Variants in ANGEL1 observed in about 807,000 individuals in gnomAD.
ANGEL1 encodes the protein RNA 2',3'-cyclic phosphatase ANGEL1.
Under a neutral mutation model 76.4 loss-of-function variants are expected in ANGEL1, and 62 were observed. That is an observed-to-expected ratio of 0.81 (90% CI 0.66 to 1.00). The LOEUF is 1.00. Among genes scored for constraint, ANGEL1 ranks in the 50% least tolerant of loss-of-function variants. The pLI, the probability that ANGEL1 is intolerant of heterozygous loss-of-function variation, is 0.00. For synonymous variants in ANGEL1, 340 were observed against 331.7 expected, an observed-to-expected ratio of 1.03 and a Z score of -0.27; for missense variants, 737 against 836.7, an observed-to-expected ratio of 0.88 and a Z score of 1.47.
intron 7 of ANGEL1, among the ~76,000 whole-genome samples, chr14:76,798,613 C>G (rs1894654171): frequency 6.6e-6 from 1 of 152,076 alleles, no homozygotes; most frequent in African/African-American, 2.4e-5. Context: ...ATGAGGGAGA[C>G]TTAAAAATTA....
chr14:76,806,969 G>C, intron 4 of ANGEL1, 120 bp from the exon 5 acceptor site: 1 of 1,157,648 alleles, frequency 8.6e-7, no homozygotes, highest in Admixed American at 2.4e-5. Context: ...CTCAGTAAAG[G>C]AGCCTTTGCC....
rs1894954322 is a variant in ANGEL1 at position 76,807,511 on chromosome 14, T to C, written c.877-9A>G. On this transcript the variant is annotated splice_polypyrimidine_tract_variant and intron_variant, in intron 3 of 9. Transcript: ENST00000251089. ...TCCTGGAGACACAGGATCTGGGAAA[T>C]TGACAAGAAACCCAATCACTCCAGA... 1 of 1,613,094 alleles carries C rather than the reference T, an allele frequency of 6.2e-7. No individual in the cohort carries two copies. The highest frequency in any genetic ancestry group is 8.5e-7 in the Non-Finnish European group (1 of 1,179,676).
chr14:76,786,162 C>CTT lies in ANGEL1; in HGVS notation c.*3064_*3065dup, dbSNP rs200154536. On this transcript the variant is annotated 3_prime_UTR_variant, in exon 10 of 10. Coordinates refer to ENST00000251089, the MANE Select transcript of ANGEL1 (RefSeq NM_015305.4). ...AGCTGAGTTTTCTTTCTTTTCTTTT[C>CTT]TTTTCTTTTTTTTTTTTTGAGATGG... is the stretch of plus-strand genomic sequence containing the variant. 2.8e-4 allele frequency: 39 copies of CTT among 140,150 alleles called. 2 individuals are homozygous for CTT. The highest frequency in any genetic ancestry group is 1.8e-4 in the Non-Finnish European group (12 of 65,734). The allele number at this position is 140,150 out of a possible 1,614,324, so 8.7% of individuals were successfully genotyped here.
At chr14:76,792,877 C>T (rs765792499) in intron 7 of ANGEL1, among the ~76,000 whole-genome samples, 2 of 151,914 alleles carry the variant, frequency 1.3e-5, no homozygotes, top group African/African-American at 2.4e-5. Flanking sequence ...TGACATTGTA[C>T]CAAAAGTTTT....
chr14:76,811,163 G>A (rs1388434234), intron 1 of ANGEL1, among the ~76,000 whole-genome samples: 1 of 152,120 alleles, frequency 6.6e-6, no homozygotes, highest in Admixed American at 6.5e-5. Flanking sequence ...GGACAGAGAC[G>A]CTGCTGAACT....
chr14:76,790,919 G>C, intron 8 of ANGEL1, 145 bp from the exon 9 acceptor site: 2 of 1,210,182 alleles, frequency 1.7e-6, no homozygotes, highest in Non-Finnish European at 2.2e-6. Flanking sequence ...TGCTAAGAAG[G>C]GGCTGGCAGT....
At chr14:76,803,521 T>C (rs1356801051) in intron 6 of ANGEL1, 40 bp from the exon 7 acceptor site, 3 of 1,596,322 alleles carry the variant, frequency 1.9e-6, no homozygotes, top group Non-Finnish European at 2.6e-6. Context: ...AGAAAGACGA[T>C]GAAGCCACAT....
chr14:76,793,195 A>T (rs1406226345), intron 7 of ANGEL1, among the ~76,000 whole-genome samples: 1 of 151,034 alleles, frequency 6.6e-6, no homozygotes, highest in Non-Finnish European at 1.5e-5. Flanking sequence ...TAAAAATTAC[A>T]AAACTTGGAA....
chr14:76,809,881 GATAA>G (rs1777599116), intron 1 of ANGEL1, among the ~76,000 whole-genome samples: 1 of 152,218 alleles, frequency 6.6e-6, no homozygotes, highest in Non-Finnish European at 1.5e-5. Flanking sequence ...GCAGGGATCT[GATAA>G]ATATTCAGTG....
intron 5 of ANGEL1, among the ~76,000 whole-genome samples, chr14:76,805,086 A>C (rs185316089): frequency 1.3e-3 from 194 of 152,290 alleles, no homozygotes; most frequent in Admixed American, 2.2e-3. Context: ...ACAATTAAGA[A>C]TCTTAATAAT....
chr14:76,791,420 A>T, intron 7 of ANGEL1, 54 bp from the exon 8 acceptor site: 11 of 1,551,044 alleles, frequency 7.1e-6, no homozygotes, highest in Non-Finnish European at 9.8e-6. Flanking sequence ...GTGAAGCAGG[A>T]TCAGAACCTT....
rs1790383371 is a variant in ANGEL1, at chr14:76,788,368, C to G, written c.*860G>C. 1 of 152,250 alleles carries G rather than the reference C, an allele frequency of 6.6e-6. No individual in the cohort carries two copies. The highest frequency in any genetic ancestry group is 1.5e-5 in the Non-Finnish European group (1 of 68,058). The allele number at this position is 152,250 out of a possible 1,614,324, so 9.4% of individuals were successfully genotyped here. ...TAGTTTTAAACCTCATACCACTACC[C>G]TAGCCCAATGAACCCCACATAAGGG... On this transcript the variant is annotated 3_prime_UTR_variant, in exon 10 of 10. Coordinates refer to ENST00000251089, the MANE Select transcript of ANGEL1 (RefSeq NM_015305.4).
In ANGEL1 at chr14:76,800,389, G is replaced by T. The variant is rs76105732; in HGVS notation, c.1618+2982C>A. On this transcript the variant is annotated intron_variant, in intron 7 of 9. Transcript: ENST00000251089. ...CATCATTGTTATCACTATTGCTACTGCCATAGCTGTAATAATACTTTGACT... is the reference window on the plus strand; with the variant it reads ...CATCATTGTTATCACTATTGCTACTTCCATAGCTGTAATAATACTTTGACT... Among the ~76,000 whole-genome samples, 629 of 152,276 alleles carry T rather than the reference G, an allele frequency of 4.1e-3. 3 individuals are homozygous for T. Among genetic ancestry groups the T allele is most frequent in the African/African-American group, 0.015 (605 of 41,548 alleles).
chr14:76,798,611 G>A (rs1455450486), intron 7 of ANGEL1, among the ~76,000 whole-genome samples: 1 of 152,116 alleles, frequency 6.6e-6, no homozygotes, highest in Non-Finnish European at 1.5e-5. Context: ...CAATGAGGGA[G>A]ACTTAAAAAT....
intron 5 of ANGEL1, 99 bp downstream of exon 5, chr14:76,806,317 G>A: frequency 7.8e-7 from 1 of 1,274,292 alleles, no homozygotes; most frequent in South Asian, 1.5e-5. Context: ...GGCCAGAGCA[G>A]GTGTACTGAG....
At chr14:76,806,060 C>T (rs1595306571) in intron 5 of ANGEL1, among the ~76,000 whole-genome samples, 1 of 152,100 alleles carries the variant, frequency 6.6e-6, no homozygotes, top group South Asian at 2.1e-4. Context: ...AAAAGACTAC[C>T]ACCAAACTTA....
At position 76,789,036 on chromosome 14, in the gene ANGEL1, G is replaced by T; in HGVS notation, c.*192C>A. 2.8e-6 allele frequency: 2 copies of T among 706,820 alleles called. No individual in the cohort carries two copies. Among genetic ancestry groups the T allele is most frequent in the Non-Finnish European group, 2.3e-6 (1 of 432,970 alleles). The allele number at this position is 706,820 out of a possible 1,614,324, so 43.8% of individuals were successfully genotyped here. Reference sequence around the variant, plus strand: ...ACAGGATTAGGAAGAGGCTGGGGTGGGGCAAGGACCACAGGCAGAGAACGC... The same window carrying T: ...ACAGGATTAGGAAGAGGCTGGGGTGTGGCAAGGACCACAGGCAGAGAACGC... On this transcript the variant is annotated 3_prime_UTR_variant, in exon 10 of 10. Coordinates refer to ENST00000251089, the MANE Select transcript of ANGEL1 (RefSeq NM_015305.4).
Position 76,807,916 on chromosome 14 carries a change from A to T in ANGEL1, c.876+6T>A. The T allele has an allele frequency of 6.2e-7, 1 of 1,613,386 alleles. No individual in the cohort carries two copies. The highest frequency in any genetic ancestry group is 8.5e-7 in the Non-Finnish European group (1 of 1,179,878). ...TGCAAGATGGCAATTCCCCCTCTTCACTCACATCAGGGTCCCAGTGCTGGA... is the reference window on the plus strand; with the variant it reads ...TGCAAGATGGCAATTCCCCCTCTTCTCTCACATCAGGGTCCCAGTGCTGGA... On this transcript the variant is annotated splice_donor_region_variant and intron_variant, in intron 3 of 9. Transcript: ENST00000251089.
At position 76,809,438 on chromosome 14, in the gene ANGEL1, G is replaced by T; in HGVS notation, c.270C>A (p.Ser90Arg). Residue 90 changes from serine (S) to arginine (R), a missense_variant, in exon 2 of 10, where the codon AGC (serine) becomes AGA (arginine). This residue lies in a region of ANGEL1 where 441 missense variants were observed against 449.5 expected (regional missense o/e 0.98). Transcript: ENST00000251089. ...CAGGATTATCCATCAGAAGTGCCAGGCTGCTCTGGGCTAGTCCTTTATCTA... is the reference window on the plus strand; with the variant it reads ...CAGGATTATCCATCAGAAGTGCCAGTCTGCTCTGGGCTAGTCCTTTATCTA... ...PLIDKGLAQS[S>R]LALLMDNPGE... The T allele has an allele frequency of 6.2e-7, 1 of 1,614,228 alleles. No homozygotes were observed. Among genetic ancestry groups the T allele is most frequent in the Non-Finnish European group, 8.5e-7 (1 of 1,180,046 alleles).
Sources: gnomAD v4.1 joint callset for allele counts (sites outside exome capture counted in the v4.1 genomes callset) on GRCh38, gnomAD v4.1.1 for gene constraint, gnomAD v4.1.1 regional missense constraint, MANE v1.5 for transcripts, NCBI Gene and HGNC (gene_info 2026-07-23, HGNC 2026-07-21) for gene names.